Variants in CHAF1A observed in about 807,000 individuals in gnomAD.
CHAF1A encodes the protein CAF-1 subunit A.
A neutral mutation model predicts 93.2 loss-of-function variants in CHAF1A; 5 were observed. The ratio of observed to expected loss-of-function variants is 0.05; its 90% CI spans 0.03 to 0.11. The LOEUF (loss-of-function observed/expected upper bound fraction) is 0.11. Ranked by LOEUF, CHAF1A falls within the 10% of genes least tolerant of loss-of-function variation. The pLI is 1.00. For synonymous variants in CHAF1A, 504 were observed against 510.3 expected (o/e 0.99, Z 0.17); for missense variants, 1,102 against 1,259.9 (o/e 0.87, Z 1.90).
chr19:4,429,713 C>G lies in CHAF1A; in HGVS notation c.1779C>G (p.Leu593=). The G allele has an allele frequency of 6.2e-7, 1 of 1,614,028 alleles. No individual in the cohort carries two copies. Among genetic ancestry groups the G allele is most frequent in the Non-Finnish European group, 8.5e-7 (1 of 1,179,990 alleles). The change falls in exon 10 of 15, where the codon CTC becomes CTG. Residue 593 remains leucine (L), a synonymous_variant. Transcript: ENST00000301280. ...CCATGTGTTTCTTTTCTCAGAAGCT[C>G]CTGGACTATGAGGTGGACAGTGATG... ...ARDPWAQDTK[L]LDYEVDSDEE...
downstream of CHAF1A, chr19:4,448,369 G>A (rs756042421): frequency 2.2e-5 from 35 of 1,610,528 alleles, no homozygotes; most frequent in Admixed American, 4.2e-4. Flanking sequence ...TTTGTTGAAC[G>A]TGTAGATCTT....
intron 3 of CHAF1A, among the ~76,000 whole-genome samples, chr19:4,414,726 T>C (rs938216646): frequency 8.5e-5 from 13 of 152,214 alleles, no homozygotes; most frequent in Non-Finnish European, 5.9e-5. Context: ...TTTCTGTGCT[T>C]GGCTTTCACA....
chr19:4,440,569 AAAT>A (rs763846386), intron 13 of CHAF1A, among the ~76,000 whole-genome samples: 21 of 152,138 alleles, frequency 1.4e-4, no homozygotes, highest in Non-Finnish European at 2.5e-4. Flanking sequence ...AGGTCTAAAA[AAAT>A]AATAATAATA....
rs4806982 is a variant in CHAF1A at position 4,413,652 on chromosome 19, G to T, written c.960+3893G>T. On this transcript the variant is annotated intron_variant, in intron 3 of 14. Transcript: ENST00000301280. ...CATTGCCACTGTACTTTGTGGGCTG[G>T]CTTGCCTTCTTTATTATTTCTTCTT... Among the ~76,000 whole-genome samples, 394 of 152,270 alleles carry T rather than the reference G, an allele frequency of 2.6e-3. 2 individuals are homozygous for T. The highest frequency in any genetic ancestry group is 0.019 in the Admixed American group (284 of 15,276).
Position 4,422,519 on chromosome 19 carries a change from G to A in CHAF1A, c.1018-47G>A. 6.6e-7 allele frequency: 1 copy of A among 1,510,532 alleles called. No homozygotes were observed. The highest frequency in any genetic ancestry group is 9.0e-7 in the Non-Finnish European group (1 of 1,110,972). 93.6% of individuals were successfully genotyped at this position (1,510,532 alleles called of 1,614,324 possible). On this transcript the variant is annotated intron_variant, in intron 4 of 14. Transcript: ENST00000301280. The surrounding 1 kb of genome is among the most constrained non-coding windows in gnomAD (Gnocchi z 4.6). ...CATGCTGTGAACCGAGCTTCCTCCT[G>A]GGAGTTGGAGGGAGGGCCACCTGTC...
At chr19:4,425,285 C>G (rs1422664795) in intron 7 of CHAF1A, among the ~76,000 whole-genome samples, 1 of 152,088 alleles carries the variant, frequency 6.6e-6, no homozygotes, top group Non-Finnish European at 1.5e-5. Flanking sequence ...GAGTATTGCT[C>G]TGTCACCCAT....
Position 4,433,126 on chromosome 19 carries a change from A to G in CHAF1A, c.2260A>G (p.Ile754Val). ...HGNVNGSKVIIREFQEHCRRG... is the reference protein window; with the variant it reads ...HGNVNGSKVIVREFQEHCRRG... The stretch of plus-strand genomic sequence containing the variant: ...CAATGTGAACGGGAGCAAGGTCATC[A>G]TCCGGGAGTTCCAGGAGCACTGCCG... The change falls in exon 13 of 15, where the codon ATC (isoleucine) becomes GTC (valine). Residue 754 changes from isoleucine to valine, a missense_variant. Coordinates refer to ENST00000301280, the MANE Select transcript of CHAF1A (RefSeq NM_005483.3). This position sits in a 1 kb window ranked among gnomAD's most constrained non-coding sequence, Gnocchi z 5.6. 3 of 1,611,660 alleles carry G rather than the reference A, an allele frequency of 1.9e-6. No individual in the cohort carries two copies. The highest frequency in any genetic ancestry group is 2.5e-6 in the Non-Finnish European group (3 of 1,178,198).
At chr19:4,411,646 T>C (rs1197959180) in intron 3 of CHAF1A, among the ~76,000 whole-genome samples, 1 of 42,586 alleles carries the variant, frequency 2.3e-5, no homozygotes, top group Non-Finnish European at 4.2e-5. Flanking sequence ...GTGCAAATCT[T>C]TTTTTTTTTT....
chr19:4,447,674 C>T (rs775540964), downstream of CHAF1A: 21 of 1,596,934 alleles, frequency 1.3e-5, no homozygotes, highest in African/African-American at 1.3e-4. Context: ...GCTGCCCACC[C>T]GGCCCCTCTG....
intron 6 of CHAF1A, 79 bp from the exon 7 acceptor site, chr19:4,423,727 T>C: frequency 7.2e-7 from 1 of 1,387,642 alleles, no homozygotes; most frequent in South Asian, 1.2e-5. Context: ...CGTTCGGTTC[T>C]GGGGGCCTTT....
At position 4,422,685 on chromosome 19, in the gene CHAF1A, G is replaced by A. The variant is rs1974011671; in HGVS notation, c.1137G>A (p.Lys379=). 3 of 1,612,074 alleles carry A rather than the reference G, an allele frequency of 1.9e-6. No individual in the cohort carries two copies. Among genetic ancestry groups the A allele is most frequent in the Non-Finnish European group, 1.7e-6 (2 of 1,179,126 alleles). ...CCAAGAAGAAGAAGGAGGAAGAGAA[G>A]GAGCTTAAGGAAAAGGAGAGGCGGG... ...EEAKKKKEEE[K]ELKEKERREK... The change falls in exon 5 of 15, where the codon AAG becomes AAA. Residue 379 remains lysine, a synonymous_variant. Transcript: ENST00000301280. The surrounding 1 kb of genome is among the most constrained non-coding windows in gnomAD (Gnocchi z 4.6).
chr19:4,439,030 C>T (rs1974338716), intron 13 of CHAF1A, among the ~76,000 whole-genome samples: 1 of 151,484 alleles, frequency 6.6e-6, no homozygotes, highest in African/African-American at 2.4e-5. Flanking sequence ...CTTGTAATCA[C>T]AAAACTTTAG....
chr19:4,438,328 C>G (rs1191565081), intron 13 of CHAF1A, among the ~76,000 whole-genome samples: 1 of 151,880 alleles, frequency 6.6e-6, no homozygotes, highest in Non-Finnish European at 1.5e-5. Flanking sequence ...TTCCCAGCTT[C>G]ATCCATGTTC....
intron 11 of CHAF1A, 32 bp downstream of exon 11, chr19:4,430,673 A>T: frequency 6.2e-7 from 1 of 1,612,490 alleles, no homozygotes; most frequent in Non-Finnish European, 8.5e-7. Flanking sequence ...TCACCGGCTC[A>T]GCAAAAGTTC....
At chr19:4,406,031 C>T in intron 2 of CHAF1A, 69 bp downstream of exon 2, 1 of 1,267,750 alleles carries the variant, frequency 7.9e-7, no homozygotes, top group Admixed American at 1.7e-5. Context: ...TGTTGGAGAC[C>T]TCAGTGGAAG....
At chr19:4,418,538 C>T (rs182881974) in intron 4 of CHAF1A, among the ~76,000 whole-genome samples, 1 of 151,836 alleles carries the variant, frequency 6.6e-6, no homozygotes, top group East Asian at 1.9e-4. Flanking sequence ...GGCTCAGCCT[C>T]CCCAGTAGTT....
rs772721498 is a variant in CHAF1A, at chr19:4,429,470, A to G, written c.1637A>G (p.Asp546Gly). The G allele has an allele frequency of 3.4e-5, 55 of 1,613,736 alleles. No individual in the cohort carries two copies. Among genetic ancestry groups the G allele is most frequent in the Non-Finnish European group, 4.5e-5 (53 of 1,179,962 alleles). ...GTCATCGTGGAGCGTGGGAAGGGCG[A>G]CGGTGTTCCCGAGAGGAGGAAGTTT... is the stretch of plus-strand genomic sequence containing the variant. ...DVVIVERGKGDGVPERRKFGR... is the reference protein window; with the variant it reads ...DVVIVERGKGGGVPERRKFGR... The change falls in exon 9 of 15, where the codon GAC (aspartate) becomes GGC (glycine). Residue 546 changes from aspartate (D) to glycine (G), a missense_variant. Physicochemically the swap from Asp to Gly is moderately conservative, Grantham distance 94. Coordinates refer to ENST00000301280, the MANE Select transcript of CHAF1A (RefSeq NM_005483.3).
At chr19:4,432,239 G>A (rs768098761) in intron 12 of CHAF1A, 32 bp downstream of exon 12, 4 of 1,565,276 alleles carry the variant, frequency 2.6e-6, no homozygotes, top group East Asian at 2.3e-5. Context: ...CCACCCACCT[G>A]TTCCTGGGCC....
chr19:4,441,902 AAAAAT>A (rs1974397386), intron 13 of CHAF1A, among the ~76,000 whole-genome samples: 1 of 152,232 alleles, frequency 6.6e-6, no homozygotes, highest in Admixed American at 6.5e-5. Flanking sequence ...CGTCTCAAAA[AAAAAT>A]AAAAATAAAT....
Sources: gnomAD v4.1 joint callset for allele counts (sites outside exome capture counted in the v4.1 genomes callset) on GRCh38, gnomAD v4.1.1 for gene constraint, Gnocchi (gnomAD v3.1) non-coding constraint, MANE v1.5 for transcripts, NCBI Gene and HGNC (gene_info 2026-07-23, HGNC 2026-07-21) for gene names.